Variants in ROBO1 observed in about 807,000 individuals in gnomAD.
ROBO1 encodes roundabout homolog 1.
ROBO1 carries 149 observed loss-of-function variants against 195.9 expected under a neutral mutation model. That is an observed-to-expected ratio of 0.76 (90% CI 0.67 to 0.87). ROBO1 has a LOEUF of 0.87. Among genes scored for constraint, ROBO1 ranks in the 40% least tolerant of loss-of-function variants. The pLI is 0.00. For synonymous variants in ROBO1, 816 were observed against 733.2 expected (o/e 1.11, Z -1.82); for missense variants, 1,933 against 2,068.3 (o/e 0.93, Z 1.27).
chr3:78,827,680 G>A (rs72894478), intron 4 of ROBO1, among the ~76,000 whole-genome samples: 5,305 of 152,214 alleles, frequency 0.035, 308 homozygotes, highest in African/African-American at 0.12. Context: ...GAAATCTGCA[G>A]GATAGGCCAG....
At chr3:79,413,893 G>A (rs1287205550) in intron 2 of ROBO1, among the ~76,000 whole-genome samples, 1 of 151,992 alleles carries the variant, frequency 6.6e-6, no homozygotes, top group African/African-American at 2.4e-5. Context: ...GACTCCCCAA[G>A]GGCATCAGGG....
intron 1 of ROBO1, among the ~76,000 whole-genome samples, chr3:79,666,586 C>A (rs969892329): frequency 2.0e-5 from 3 of 151,780 alleles, no homozygotes; most frequent in Non-Finnish European, 2.9e-5. Flanking sequence ...CTCATGAGAT[C>A]TGATGGTTTT....
At chr3:79,228,462 T>C (rs751325318) in intron 2 of ROBO1, among the ~76,000 whole-genome samples, 5 of 152,182 alleles carry the variant, frequency 3.3e-5, no homozygotes, top group Admixed American at 3.3e-4. Context: ...TCTGACAGTA[T>C]ATTTGGAACA....
intron 27 of ROBO1, among the ~76,000 whole-genome samples, chr3:78,615,526 G>A (rs1407029132): frequency 4.6e-5 from 7 of 152,218 alleles, no homozygotes; most frequent in South Asian, 2.1e-4. Context: ...TAGACATGGC[G>A]TATTTCAAAG....
At chr3:79,215,686 G>T (rs1319024660) in intron 2 of ROBO1, among the ~76,000 whole-genome samples, 1 of 152,194 alleles carries the variant, frequency 6.6e-6, no homozygotes, top group East Asian at 1.9e-4. Context: ...AGTCTGATTG[G>T]TGAGCATGTG....
At chr3:79,407,066 C>T (rs1328985324) in intron 2 of ROBO1, among the ~76,000 whole-genome samples, 4 of 151,916 alleles carry the variant, frequency 2.6e-5, no homozygotes, top group Non-Finnish European at 5.9e-5. Flanking sequence ...TTACAGGCAC[C>T]AGCTACCATG....
intron 2 of ROBO1, among the ~76,000 whole-genome samples, chr3:79,292,400 C>G (rs566770825): frequency 2.6e-5 from 4 of 152,308 alleles, no homozygotes; most frequent in African/African-American, 9.6e-5. Context: ...CTGGCCAGAA[C>G]TTCCAATACT....
Position 78,849,853 on chromosome 3 carries a change from C to CAA in ROBO1, c.499+88747_499+88748insTT, listed in dbSNP as rs564604998. 5.0e-3 allele frequency among the ~76,000 whole-genome samples: 756 copies of CAA among 151,888 alleles called. 9 individuals carry two copies. Among genetic ancestry groups the CAA allele is most frequent in the African/African-American group, 0.017 (714 of 41,408 alleles). On this transcript the variant is annotated intron_variant, in intron 4 of 30. Coordinates refer to ENST00000464233, the MANE Select transcript of ROBO1 (RefSeq NM_002941.4). The stretch of plus-strand genomic sequence containing the variant: ...CATTACACACACACACACACACACA[C>CAA]ACACACACACACACACACTCTTATA...
In ROBO1 at chr3:78,859,861, AC is replaced by A. The variant is rs565580844; in HGVS notation, c.499+78739del. 2.0e-3 allele frequency among the ~76,000 whole-genome samples: 300 copies of A among 152,254 alleles called. 1 individual carries two copies. The highest frequency in any genetic ancestry group is 7.0e-3 in the African/African-American group (289 of 41,558). ...TTTGGGAGGCCAAGGCGGGTGGATCACGAGGTCAGGAGATCAGGACCATCCT... is the reference window on the plus strand; with the variant it reads ...TTTGGGAGGCCAAGGCGGGTGGATCAGAGGTCAGGAGATCAGGACCATCCT... On this transcript the variant is annotated intron_variant, in intron 4 of 30. Coordinates refer to ENST00000464233, the MANE Select transcript of ROBO1 (RefSeq NM_002941.4).
chr3:79,521,955 A>G (rs1941227318), intron 2 of ROBO1, among the ~76,000 whole-genome samples: 1 of 152,166 alleles, frequency 6.6e-6, no homozygotes, highest in Non-Finnish European at 1.5e-5. Context: ...TAGATAGGTA[A>G]AATATATGCT....
At chr3:79,044,281 T>C (rs73848826) in intron 3 of ROBO1, among the ~76,000 whole-genome samples, 2,097 of 152,032 alleles carry the variant, frequency 0.014, 52 homozygotes, top group African/African-American at 0.046. Context: ...AATGCTTAAC[T>C]TTCCACTGCT....
intron 2 of ROBO1, among the ~76,000 whole-genome samples, chr3:79,577,717 A>AACACACACACACACACACACAC (rs58998352): frequency 8.5e-5 from 12 of 140,718 alleles, no homozygotes; most frequent in African/African-American, 2.6e-4. Flanking sequence ...CTTTACTAAA[A>AACACACACACACACACACACAC]ACACACACAC....
At chr3:78,810,733 C>T (rs2084712012) in intron 4 of ROBO1, among the ~76,000 whole-genome samples, 1 of 151,910 alleles carries the variant, frequency 6.6e-6, no homozygotes, top group Admixed American at 6.6e-5. Flanking sequence ...CACTTCCATT[C>T]CTCCTCCCCT....
At chr3:79,728,015 T>C (rs1702990052) in intron 1 of ROBO1, among the ~76,000 whole-genome samples, 1 of 152,142 alleles carries the variant, frequency 6.6e-6, no homozygotes, top group African/African-American at 2.4e-5. Context: ...TTTCAGTGGC[T>C]TCAAAATTAG....
rs190911567 is a variant in ROBO1 at position 79,278,661 on chromosome 3, G to A, written c.89-153122C>T. Among the ~76,000 whole-genome samples, 7 of 152,204 alleles carry A rather than the reference G, an allele frequency of 4.6e-5. No homozygotes were observed. The East Asian group carries it at 5.8e-4, about 13-fold the overall frequency. ...TATGCAGAAGAAGGAATCTAGACTC[G>A]CACTTTTCATCCTAAGCAAAAATCA... On this transcript the variant is annotated intron_variant, in intron 2 of 30. Transcript: ENST00000464233.
intron 1 of ROBO1, among the ~76,000 whole-genome samples, chr3:79,634,870 C>T (rs9826741): frequency 0.063 from 9,539 of 151,854 alleles, 1,036 homozygotes; most frequent in African/African-American, 0.22. Flanking sequence ...CGAATAGGAA[C>T]ATCAAAATAT....
intron 30 of ROBO1, 44 bp from the exon 31 acceptor site, chr3:78,598,971 G>A (rs372764126): frequency 8.3e-6 from 11 of 1,322,554 alleles, no homozygotes; most frequent in East Asian, 7.0e-5. Flanking sequence ...TAAATCTTAA[G>A]AGGATTGTGT....
intron 1 of ROBO1, among the ~76,000 whole-genome samples, chr3:79,644,120 A>G (rs766607436): frequency 1.1e-4 from 17 of 152,160 alleles, no homozygotes; most frequent in Non-Finnish European, 2.1e-4. Flanking sequence ...AATGGTAACT[A>G]TATCATGATA....
At chr3:78,714,817 T>C (rs888336466) in intron 7 of ROBO1, 5 of 257,164 alleles carry the variant, frequency 1.9e-5, no homozygotes, top group Non-Finnish European at 3.6e-5. Context: ...ATAGTGACCA[T>C]TAATTAAATT....
Sources: allele counts gnomAD v4.1 joint callset (sites outside exome capture counted in the v4.1 genomes callset), GRCh38; gene constraint gnomAD v4.1.1; transcripts MANE v1.5; gene names NCBI Gene and HGNC (gene_info 2026-07-23, HGNC 2026-07-21).